Variants in DIP2C observed in about 807,000 individuals in gnomAD.
The protein encoded by DIP2C is disco-interacting protein 2 homolog C.
In DIP2C, 33 loss-of-function variants were observed where a neutral mutation model predicts 192.4. That is an observed-to-expected ratio of 0.17 (90% CI 0.13 to 0.23). DIP2C has a LOEUF of 0.23. Ranked by LOEUF, DIP2C falls within the 10% of genes least tolerant of loss-of-function variation. DIP2C has a pLI of 1.00. For missense variants in DIP2C, 1,537 were observed against 2,110.1 expected (o/e 0.73, Z 5.32); for synonymous variants, 979 against 864.1 (o/e 1.13, Z -2.33).
chr10:408,900 G>A (rs1348619119), intron 9 of DIP2C, 26 bp downstream of exon 9: 1 of 1,610,478 alleles, frequency 6.2e-7, no homozygotes. Flanking sequence ...GTGTTTTGTA[G>A]ATCCAGCAGT....
At chr10:608,756 A>G in intron 1 of DIP2C, among the ~76,000 whole-genome samples, 1 of 133,478 alleles carries the variant, frequency 7.5e-6, no homozygotes, top group Non-Finnish European at 1.6e-5. Context: ...TCGTACTTGC[A>G]TTCAATTCTG....
intron 17 of DIP2C, 195 bp from the exon 18 acceptor site, chr10:369,828 T>C: frequency 7.7e-7 from 1 of 1,299,270 alleles, no homozygotes; most frequent in East Asian, 2.5e-5. Context: ...GCGAGTCTAC[T>C]GCTTCCGCCT....
chr10:345,060 C>G lies in DIP2C; in HGVS notation c.3282G>C (p.Leu1094=). 1 of 1,613,728 alleles carries G rather than the reference C, an allele frequency of 6.2e-7. No individual in the cohort carries two copies. Among genetic ancestry groups the G allele is most frequent in the South Asian group, 1.1e-5 (1 of 90,962 alleles). Residue 1094 remains leucine, a synonymous_variant, in exon 27 of 37, where the codon CTG becomes CTC. Coordinates refer to ENST00000280886, the MANE Select transcript of DIP2C (RefSeq NM_014974.3). The part of the protein sequence containing the change: ...LMTTQLICKL[L]RSREAAAAVD... ...CAGCCGCCGCCGCCTCCCTGGACCG[C>G]AGCAACTTACAGATCAGCTGTGTCG...
intron 31 of DIP2C, chr10:324,808 C>T (rs557601145): frequency 3.7e-5 from 16 of 432,546 alleles, no homozygotes; most frequent in South Asian, 7.0e-5. Flanking sequence ...GAGGTAAGGA[C>T]GGTGGCACGC....
At chr10:301,365 C>T (rs1956036748) in intron 32 of DIP2C, among the ~76,000 whole-genome samples, 1 of 152,160 alleles carries the variant, frequency 6.6e-6, no homozygotes, top group Non-Finnish European at 1.5e-5. Flanking sequence ...TGCTGGTCAG[C>T]CCAAGGGCCT....
At position 625,222 on chromosome 10, in the gene DIP2C, G is replaced by T. The variant is rs1221459214; in HGVS notation, c.85+64272C>A. On this transcript the variant is annotated intron_variant, in intron 1 of 36. Coordinates refer to ENST00000280886, the MANE Select transcript of DIP2C (RefSeq NM_014974.3). ...AGGCAACAAGCCCTTCATTATCACGGCCGCAAGCCTCTGCGCAGCCCTCCT... is the reference window on the plus strand; with the variant it reads ...AGGCAACAAGCCCTTCATTATCACGTCCGCAAGCCTCTGCGCAGCCCTCCT... 3.9e-5 allele frequency among the ~76,000 whole-genome samples: 6 copies of T among 152,136 alleles called. No individual in the cohort carries two copies. The East Asian group carries it at 1.2e-3, about 29-fold the overall frequency.
chr10:425,784 C>T (rs1199729556), intron 4 of DIP2C, among the ~76,000 whole-genome samples: 2 of 152,196 alleles, frequency 1.3e-5, no homozygotes, highest in Non-Finnish European at 2.9e-5. Context: ...AGTAGAACCG[C>T]ATGTTAACCT....
chr10:363,179 A>G lies in DIP2C; in HGVS notation c.2592+18T>C, dbSNP rs771890726. On this transcript the variant is annotated intron_variant, in intron 21 of 36. Coordinates refer to ENST00000280886, the MANE Select transcript of DIP2C (RefSeq NM_014974.3). This position sits in a 1 kb window ranked among gnomAD's most constrained non-coding sequence, Gnocchi z 5.4. ...AACAAGACACAGGGGACCAGTGCCC[A>G]GGGCGAGGGAGGGCAACCTGCAGCA... is the stretch of plus-strand genomic sequence containing the variant. 3.2e-5 allele frequency: 51 copies of G among 1,605,222 alleles called. No homozygotes were observed. The African/African-American group carries it at 6.2e-4, about 19-fold the overall frequency.
intron 1 of DIP2C, among the ~76,000 whole-genome samples, chr10:670,522 AGG>A (rs1830581606): frequency 6.6e-6 from 1 of 152,228 alleles, no homozygotes; most frequent in African/African-American, 2.4e-5. Context: ...GAGACAACAT[AGG>A]GGGACGGCTG....
intron 1 of DIP2C, among the ~76,000 whole-genome samples, chr10:512,321 G>A (rs1846069224): frequency 6.6e-6 from 1 of 152,216 alleles, no homozygotes; most frequent in South Asian, 2.1e-4. Context: ...CAGTTTGGGA[G>A]GCTGAGGCAG....
At chr10:540,703 A>C (rs1032622869) in intron 1 of DIP2C, among the ~76,000 whole-genome samples, 3 of 152,214 alleles carry the variant, frequency 2.0e-5, no homozygotes, top group Admixed American at 2.0e-4. Flanking sequence ...AGTGCTATGT[A>C]ATTTTACCAC....
At chr10:305,665 G>GA (rs1235990417) in intron 32 of DIP2C, among the ~76,000 whole-genome samples, 3 of 152,118 alleles carry the variant, frequency 2.0e-5, no homozygotes, top group Non-Finnish European at 4.4e-5. Context: ...TTTCTTTTGA[G>GA]ACAAGGTCTT....
intron 17 of DIP2C, among the ~76,000 whole-genome samples, chr10:380,093 G>A (rs539384061): frequency 7.9e-5 from 12 of 151,888 alleles, no homozygotes; most frequent in African/African-American, 1.4e-4. Context: ...CGGTTAAAGC[G>A]CAGAAGAGGC....
chr10:369,533 C>CGGACAGCTT lies in DIP2C; in HGVS notation c.2083_2091dup (p.Lys695_Ser697dup). 1 of 1,579,658 alleles carries CGGACAGCTT rather than the reference C, an allele frequency of 6.3e-7. No individual in the cohort carries two copies. Among genetic ancestry groups the CGGACAGCTT allele is most frequent in the Non-Finnish European group, 8.6e-7 (1 of 1,160,054 alleles). ...AGGCCGACATCCTGCACGGTGAGCA[C>CGGACAGCTT]GGACAGCTTCTCTTCCGAGTCCACA... On this transcript the variant is annotated inframe_insertion, in exon 18 of 37. Coordinates refer to ENST00000280886, the MANE Select transcript of DIP2C (RefSeq NM_014974.3).
At chr10:513,482 C>T (rs1846158713) in intron 1 of DIP2C, among the ~76,000 whole-genome samples, 1 of 152,180 alleles carries the variant, frequency 6.6e-6, no homozygotes, top group African/African-American at 2.4e-5. Context: ...GCCTCTCCTC[C>T]ACCGCGCCAC....
At chr10:455,023 G>C (rs11252523) in intron 3 of DIP2C, among the ~76,000 whole-genome samples, 24,424 of 152,078 alleles carry the variant, frequency 0.16, 5,066 homozygotes, top group African/African-American at 0.48. Context: ...ATTACACAGT[G>C]AGCACACACA....
At chr10:385,634 A>C (rs1424304529) in intron 14 of DIP2C, among the ~76,000 whole-genome samples, 1 of 152,160 alleles carries the variant, frequency 6.6e-6, no homozygotes, top group African/African-American at 2.4e-5. Context: ...ATAAACTGGG[A>C]AACACTGGCT....
chr10:688,559 C>T (rs1174925901), intron 1 of DIP2C, among the ~76,000 whole-genome samples: 1 of 133,346 alleles, frequency 7.5e-6, no homozygotes, highest in Non-Finnish European at 1.6e-5. Context: ...GACGCGCCGG[C>T]CCACCCCCAC....
chr10:619,556 T>TCCCTC (rs1853731476), intron 1 of DIP2C, among the ~76,000 whole-genome samples: 1 of 10,500 alleles, frequency 9.5e-5, no homozygotes, highest in African/African-American at 4.1e-4. Context: ...CCCACCCAGC[T>TCCCTC]CCTCACGCAC....
Sources: allele counts gnomAD v4.1 joint callset (sites outside exome capture counted in the v4.1 genomes callset), GRCh38; gene constraint gnomAD v4.1.1; non-coding constraint Gnocchi (gnomAD v3.1); transcripts MANE v1.5; gene names NCBI Gene and HGNC (gene_info 2026-07-23, HGNC 2026-07-21).